The following ARSK variants were observed in gnomAD, a reference collection of about 807,000 sequenced individuals.
The protein encoded by ARSK is arylsulfatase K.
ARSK carries 37 observed loss-of-function variants against 53.2 expected under a neutral mutation model. The ratio of observed to expected loss-of-function variants is 0.70; its 90% CI spans 0.54 to 0.92. ARSK has a LOEUF of 0.92. Ranked by LOEUF, ARSK falls within the 40% of genes least tolerant of loss-of-function variation. The pLI, the probability that ARSK is intolerant of heterozygous loss-of-function variation, is 0.00. For synonymous variants in ARSK, 208 were observed against 223.2 expected (o/e 0.93, Z 0.61); for missense variants, 613 against 643.0 (o/e 0.95, Z 0.51).
At chr5:95,582,774 T>G in intron 3 of ARSK, 142 bp from the exon 4 acceptor site, 15 of 745,112 alleles carry the variant, frequency 2.0e-5, no homozygotes, top group Non-Finnish European at 2.6e-5. Context: ...ACTTTCTTTT[T>G]GAGATCTAAT....
chr5:95,573,892 T>C (rs1339780433), intron 3 of ARSK, among the ~76,000 whole-genome samples: 2 of 152,216 alleles, frequency 1.3e-5, no homozygotes, highest in Non-Finnish European at 2.9e-5. Flanking sequence ...ATACTCTTAG[T>C]CATTTTATAA....
chr5:95,578,403 C>T (rs1260684528), intron 3 of ARSK, among the ~76,000 whole-genome samples: 2 of 151,840 alleles, frequency 1.3e-5, no homozygotes, highest in East Asian at 3.9e-4. Flanking sequence ...AACAATCCTC[C>T]TACCTCAGCC....
At chr5:95,561,868 A>G (rs982239479) in intron 1 of ARSK, among the ~76,000 whole-genome samples, 2 of 152,220 alleles carry the variant, frequency 1.3e-5, no homozygotes, top group African/African-American at 2.4e-5. Context: ...TACACTTTAA[A>G]TGGATGAGTT....
Position 95,603,434 on chromosome 5 carries a change from A to G in ARSK, c.1519A>G (p.Arg507Gly). 1 of 1,613,684 alleles carries G rather than the reference A, an allele frequency of 6.2e-7. No homozygotes were observed. The highest frequency in any genetic ancestry group is 8.5e-7 in the Non-Finnish European group (1 of 1,179,676). Reference sequence around the variant, plus strand: ...TTATTCAAACGTTATAGCAAATCTTAGGTGGCACCAAGACTGGCAGAAGGA... The same window carrying G: ...TTATTCAAACGTTATAGCAAATCTTGGGTGGCACCAAGACTGGCAGAAGGA... ...QNYSNVIANL[R>G]WHQDWQKEPR... is the part of the protein sequence containing the mutation. Residue 507 changes from arginine to glycine, a missense_variant, in exon 8 of 8, where the codon AGG becomes GGG. Transcript: ENST00000380009.
In ARSK at chr5:95,603,528, C is replaced by T. The variant is rs766512472; in HGVS notation, c.*2C>T. 1.1e-5 allele frequency: 17 copies of T among 1,578,956 alleles called. No homozygotes were observed. Among genetic ancestry groups the T allele is most frequent in the Middle Eastern group, 1.7e-4 (1 of 5,916 alleles). Reference sequence around the variant, plus strand: ...CATATGAATCCAAGAGCAGTTTGAACAAAAAGTTTAAAAATAGTGTTCTAG... The same window carrying T: ...CATATGAATCCAAGAGCAGTTTGAATAAAAAGTTTAAAAATAGTGTTCTAG... On this transcript the variant is annotated 3_prime_UTR_variant, in exon 8 of 8. Coordinates refer to ENST00000380009, the MANE Select transcript of ARSK (RefSeq NM_198150.3).
At chr5:95,586,835 A>G in intron 5 of ARSK, 102 bp downstream of exon 5, 2 of 1,003,826 alleles carry the variant, frequency 2.0e-6, no homozygotes, top group Non-Finnish European at 1.4e-6. Context: ...AAAGTTGCTT[A>G]TAACTATAGG....
At chr5:95,568,538 G>C (rs1245332738) in intron 3 of ARSK, among the ~76,000 whole-genome samples, 3 of 152,028 alleles carry the variant, frequency 2.0e-5, no homozygotes, top group African/African-American at 7.3e-5. Flanking sequence ...TATAGTTTCT[G>C]TTTACTACTA....
chr5:95,576,085 G>A (rs1748919459), intron 3 of ARSK, among the ~76,000 whole-genome samples: 1 of 151,892 alleles, frequency 6.6e-6, no homozygotes, highest in East Asian at 1.9e-4. Context: ...GGTGGGGGGT[G>A]GGTAATCATA....
At chr5:95,564,519 G>A (rs1250151503) in intron 1 of ARSK, among the ~76,000 whole-genome samples, 2 of 152,174 alleles carry the variant, frequency 1.3e-5, no homozygotes. Flanking sequence ...TCTCAGAAGA[G>A]CTTTTCTTTT....
chr5:95,596,241 T>A (rs1749305735), intron 6 of ARSK, among the ~76,000 whole-genome samples: 1 of 152,242 alleles, frequency 6.6e-6, no homozygotes, highest in Non-Finnish European at 1.5e-5. Flanking sequence ...CTCTGCTTAA[T>A]AAACAAACTT....
At chr5:95,586,175 T>A (rs978504702) in intron 4 of ARSK, among the ~76,000 whole-genome samples, 2 of 152,168 alleles carry the variant, frequency 1.3e-5, no homozygotes, top group African/African-American at 4.8e-5. Flanking sequence ...TACTAGTGAA[T>A]TATTGGAGAA....
At chr5:95,567,042 GACCTGGATGCTAATCCTCAAGCAA>G in intron 2 of ARSK, among the ~76,000 whole-genome samples, 14 of 152,214 alleles carry the variant, frequency 9.2e-5, no homozygotes, top group African/African-American at 3.1e-4. Flanking sequence ...GTGAGACAAT[GACCTGGATGCTAATCCTCAAGCAA>G]GTCACTCAGT....
At chr5:95,601,215 C>A in intron 7 of ARSK, 144 bp downstream of exon 7, 1 of 813,602 alleles carries the variant, frequency 1.2e-6, no homozygotes, top group Non-Finnish European at 1.9e-6. Context: ...AAAGGTTGCC[C>A]ATGTGAGGAA....
intron 5 of ARSK, among the ~76,000 whole-genome samples, chr5:95,588,977 A>AC (rs140055196): frequency 0.25 from 37,783 of 152,016 alleles, 6,260 homozygotes; most frequent in African/African-American, 0.47. Flanking sequence ...AAACAAACAA[A>AC]AAAAAAATTA....
intron 6 of ARSK, among the ~76,000 whole-genome samples, chr5:95,599,754 T>C (rs1408845997): frequency 6.6e-6 from 1 of 152,226 alleles, no homozygotes; most frequent in African/African-American, 2.4e-5. Context: ...TCAAGTTATA[T>C]ATGAAACAAC....
At chr5:95,581,531 G>A (rs1162011107) in intron 3 of ARSK, among the ~76,000 whole-genome samples, 1 of 152,168 alleles carries the variant, frequency 6.6e-6, no homozygotes, top group Admixed American at 6.5e-5. Context: ...TTAAAAGCCT[G>A]CTTGTTGTAA....
intron 1 of ARSK, 99 bp from the exon 2 acceptor site, chr5:95,565,899 C>T (rs1434691968): frequency 8.9e-7 from 1 of 1,125,900 alleles, no homozygotes; most frequent in South Asian, 1.7e-5. Context: ...TTCTTAAAAT[C>T]ATATTGAAGT....
intron 6 of ARSK, among the ~76,000 whole-genome samples, chr5:95,598,905 C>A (rs1580232551): frequency 1.3e-5 from 2 of 152,342 alleles, no homozygotes; most frequent in East Asian, 3.9e-4. Flanking sequence ...CACTCTAGCC[C>A]CTCCTCGGGA....
intron 1 of ARSK, among the ~76,000 whole-genome samples, chr5:95,560,613 C>CA (rs1177147506): frequency 2.0e-5 from 3 of 151,130 alleles, no homozygotes; most frequent in Middle Eastern, 6.3e-3. Flanking sequence ...ATCTTTTAAA[C>CA]AAATGGTGCT....
Sources: allele counts gnomAD v4.1 joint callset (sites outside exome capture counted in the v4.1 genomes callset), GRCh38; gene constraint gnomAD v4.1.1; transcripts MANE v1.5; gene names NCBI Gene and HGNC (gene_info 2026-07-23, HGNC 2026-07-21).